Variants in TNFSF4 observed in about 807,000 individuals in gnomAD.
TNFSF4 encodes the protein tumor necrosis factor ligand superfamily member 4.
Under a neutral mutation model 7.3 loss-of-function variants are expected in TNFSF4, and 4 were observed. The observed-to-expected ratio is 0.55, with a 90% CI of 0.27 to 1.25. The LOEUF (loss-of-function observed/expected upper bound fraction) is 1.25, where lower values mean the gene tolerates loss of function less well. Ranked by LOEUF, TNFSF4 falls within the 50% of genes most tolerant of loss-of-function variation. TNFSF4 has a pLI of 0.12. For missense variants in TNFSF4, 181 were observed against 208.8 expected (o/e 0.87, Z 0.82); for synonymous variants, 76 against 83.7 (o/e 0.91, Z 0.50).
chr1:173,232,620 A>G, the TNFSF4 span, among the ~76,000 whole-genome samples: 1 of 152,094 alleles, frequency 6.6e-6, no homozygotes. Flanking sequence ...ATAGATAGCT[A>G]TTATTATTTT....
downstream of TNFSF4, among the ~76,000 whole-genome samples, chr1:173,182,257 T>C (rs1485588679): frequency 6.6e-6 from 1 of 152,228 alleles, no homozygotes; most frequent in African/African-American, 2.4e-5. Flanking sequence ...ATAAGGTATT[T>C]TTATGAATTG....
chr1:173,177,158 A>G, the TNFSF4 span, among the ~76,000 whole-genome samples: 2 of 152,332 alleles, frequency 1.3e-5, no homozygotes, highest in East Asian at 3.9e-4. Flanking sequence ...GGTAAATTTT[A>G]TGCTTGCATA....
the TNFSF4 span, among the ~76,000 whole-genome samples, chr1:173,234,568 G>A: frequency 6.6e-6 from 1 of 152,104 alleles, no homozygotes; most frequent in Non-Finnish European, 1.5e-5. Flanking sequence ...GTGATAGAGT[G>A]GATTAAGAAA....
At chr1:173,410,017 C>A in the TNFSF4 span, among the ~76,000 whole-genome samples, 1 of 152,112 alleles carries the variant, frequency 6.6e-6, no homozygotes, top group African/African-American at 2.4e-5. Flanking sequence ...ACAATCCCAG[C>A]AATTTGGAAG....
chr1:173,344,773 T>C, the TNFSF4 span, among the ~76,000 whole-genome samples: 25 of 152,348 alleles, frequency 1.6e-4, no homozygotes, highest in African/African-American at 5.8e-4. Context: ...ATAAAGCAGA[T>C]ACCAAATTAC....
At chr1:173,336,885 CAAAA>C in the TNFSF4 span, among the ~76,000 whole-genome samples, 1 of 149,326 alleles carries the variant, frequency 6.7e-6, no homozygotes, top group African/African-American at 2.5e-5. Context: ...CTCCTACCAC[CAAAA>C]AAAAAGGCAC....
chr1:173,205,628 C>G, intron 1 of TNFSF4: 1 of 1,067,092 alleles, frequency 9.4e-7, no homozygotes, highest in African/African-American at 1.7e-5. Context: ...GGCTCCCAGA[C>G]TGGTGAATGC....
chr1:173,348,697 A>G, the TNFSF4 span, among the ~76,000 whole-genome samples: 2 of 152,190 alleles, frequency 1.3e-5, no homozygotes, highest in African/African-American at 2.4e-5. Flanking sequence ...GGCACAAATT[A>G]TTAGTATCAT....
chr1:173,444,704 G>C, the TNFSF4 span, among the ~76,000 whole-genome samples: 3 of 152,146 alleles, frequency 2.0e-5, no homozygotes, highest in African/African-American at 7.2e-5. Flanking sequence ...TCCTTTCAGA[G>C]AGAATAAGTA....
the TNFSF4 span, among the ~76,000 whole-genome samples, chr1:173,348,062 G>C: frequency 6.6e-6 from 1 of 152,202 alleles, no homozygotes; most frequent in Non-Finnish European, 1.5e-5. Context: ...GCAGAACTTA[G>C]AAGAAAGCAG....
chr1:173,182,985 C>T (rs1649083212), downstream of TNFSF4, among the ~76,000 whole-genome samples: 1 of 152,170 alleles, frequency 6.6e-6, no homozygotes, highest in Non-Finnish European at 1.5e-5. Context: ...ACCAGATCTC[C>T]TGTTTCTGTT....
At chr1:173,284,008 T>C in the TNFSF4 span, among the ~76,000 whole-genome samples, 5 of 145,690 alleles carry the variant, frequency 3.4e-5, no homozygotes, top group African/African-American at 1.0e-4. Flanking sequence ...GAAAGCAAAA[T>C]AGCCTTATTG....
At chr1:173,195,609 G>A (rs1649665648) in intron 1 of TNFSF4, among the ~76,000 whole-genome samples, 1 of 152,238 alleles carries the variant, frequency 6.6e-6, no homozygotes, top group African/African-American at 2.4e-5. Flanking sequence ...CTCATCTTTG[G>A]AGAGTGTGTA....
chr1:173,314,272 A>G, the TNFSF4 span, among the ~76,000 whole-genome samples: 3 of 152,122 alleles, frequency 2.0e-5, no homozygotes, highest in Admixed American at 2.0e-4. Flanking sequence ...ACAATTGTAT[A>G]CATTTTGTTG....
At chr1:173,343,188 G>A in the TNFSF4 span, among the ~76,000 whole-genome samples, 6 of 152,130 alleles carry the variant, frequency 3.9e-5, no homozygotes, top group Non-Finnish European at 8.8e-5. Context: ...ATCAAAAATA[G>A]GGGAGTAAAT....
the TNFSF4 span, among the ~76,000 whole-genome samples, chr1:173,268,532 G>C: frequency 2.1e-4 from 32 of 151,958 alleles, 1 homozygote; most frequent in East Asian, 6.2e-3. Flanking sequence ...ACTACACAAA[G>C]TGATATAATC....
the TNFSF4 span, among the ~76,000 whole-genome samples, chr1:173,398,419 T>C: frequency 6.7e-6 from 1 of 148,638 alleles, no homozygotes; most frequent in Non-Finnish European, 1.5e-5. Context: ...CTTTTTTTTT[T>C]TTTTTTTTTT....
the TNFSF4 span, among the ~76,000 whole-genome samples, chr1:173,278,790 G>A: frequency 3.3e-5 from 5 of 151,976 alleles, no homozygotes; most frequent in African/African-American, 9.7e-5. Flanking sequence ...TTGATATGAT[G>A]ATATGATTTA....
chr1:173,280,055 T>A, the TNFSF4 span, among the ~76,000 whole-genome samples: 4 of 152,144 alleles, frequency 2.6e-5, no homozygotes, highest in African/African-American at 9.6e-5. Context: ...CTCTGTTTTA[T>A]ACACAGTGCC....
Sources: gnomAD v4.1 joint callset for allele counts (sites outside exome capture counted in the v4.1 genomes callset) on GRCh38, gnomAD v4.1.1 for gene constraint, MANE v1.5 for transcripts, NCBI Gene and HGNC (gene_info 2026-07-23, HGNC 2026-07-21) for gene names.